NEIL3: variants seen among roughly 807,000 people sequenced by gnomAD.
The protein encoded by NEIL3 is nei like DNA glycosylase 3.
A neutral mutation model predicts 57.5 loss-of-function variants in NEIL3; 48 were observed. The ratio of observed to expected loss-of-function variants is 0.83; its 90% CI spans 0.66 to 1.06. The LOEUF (loss-of-function observed/expected upper bound fraction) is 1.06. Ranked by LOEUF, NEIL3 falls within the 50% of genes least tolerant of loss-of-function variation. The pLI is 0.00. For missense variants in NEIL3, 717 were observed against 739.1 expected (o/e 0.97, Z 0.35); for synonymous variants, 261 against 253.2 (o/e 1.03, Z -0.29).
intron 1 of NEIL3, among the ~76,000 whole-genome samples, chr4:177,320,923 C>T (rs1462798185): frequency 6.6e-6 from 1 of 151,282 alleles, no homozygotes; most frequent in East Asian, 1.9e-4. Flanking sequence ...GCTATTTCAA[C>T]CTTGAATGGG....
downstream of NEIL3, among the ~76,000 whole-genome samples, chr4:177,363,964 G>C (rs1308283198): frequency 1.3e-5 from 2 of 152,072 alleles, no homozygotes; most frequent in Admixed American, 1.3e-4. Context: ...CGCCCAGGCT[G>C]GTTTCTTCTG....
chr4:177,317,037 G>T (rs1734586795), intron 1 of NEIL3, among the ~76,000 whole-genome samples: 1 of 152,168 alleles, frequency 6.6e-6, no homozygotes. Flanking sequence ...TATAGCATCT[G>T]TACCTAGAAG....
chr4:177,321,267 T>G (rs1423766969), intron 1 of NEIL3, among the ~76,000 whole-genome samples: 1 of 152,158 alleles, frequency 6.6e-6, no homozygotes, highest in Non-Finnish European at 1.5e-5. Context: ...TGAGGATCCT[T>G]AGGCCCATTT....
Position 177,309,889 on chromosome 4 carries a change from T to G in NEIL3, c.-65T>G, listed in dbSNP as rs1027073522. 2 of 1,547,472 alleles carry G rather than the reference T, an allele frequency of 1.3e-6. No homozygotes were observed. Among genetic ancestry groups the G allele is most frequent in the Non-Finnish European group, 1.7e-6 (2 of 1,150,792 alleles). The stretch of plus-strand genomic sequence containing the variant: ...GCGTGCGGTCAGTGCCCGCGCAGCG[T>G]TGAGTTGCACAGCGGTATTCTCACC... On this transcript the variant is annotated 5_prime_UTR_variant, in exon 1 of 10. Coordinates refer to ENST00000264596, the MANE Select transcript of NEIL3 (RefSeq NM_018248.3).
At chr4:177,337,261 C>A (rs1454431402) in intron 4 of NEIL3, among the ~76,000 whole-genome samples, 1 of 152,140 alleles carries the variant, frequency 6.6e-6, no homozygotes, top group Non-Finnish European at 1.5e-5. Flanking sequence ...TTTATCAAGA[C>A]CTGTTGCCAC....
At chr4:177,330,238 A>G (rs1465431083) in intron 2 of NEIL3, among the ~76,000 whole-genome samples, 1 of 152,226 alleles carries the variant, frequency 6.6e-6, no homozygotes, top group Admixed American at 6.5e-5. Context: ...TTGGAAATCA[A>G]TGTGCTTCTA....
intron 8 of NEIL3, 128 bp from the exon 9 acceptor site, chr4:177,360,375 T>A (rs1735582639): frequency 1.7e-6 from 1 of 575,760 alleles, no homozygotes; most frequent in Admixed American, 3.1e-5. Flanking sequence ...AATGACCTAA[T>A]GTTAACGAGG....
intron 6 of NEIL3, among the ~76,000 whole-genome samples, chr4:177,344,851 C>T (rs563424129): frequency 3.3e-5 from 5 of 152,170 alleles, no homozygotes; most frequent in Admixed American, 1.3e-4. Flanking sequence ...TGTGAGCCAC[C>T]GTGTCCGGCT....
chr4:177,332,707 T>C (rs1026683149), intron 2 of NEIL3, among the ~76,000 whole-genome samples: 1 of 152,168 alleles, frequency 6.6e-6, no homozygotes, highest in African/African-American at 2.4e-5. Flanking sequence ...GATTCTAAAC[T>C]GTTACACCAG....
intron 1 of NEIL3, among the ~76,000 whole-genome samples, chr4:177,314,920 A>G (rs924259117): frequency 8.8e-6 from 1 of 113,864 alleles, no homozygotes; most frequent in Non-Finnish European, 1.8e-5. Context: ...TACTAAAAAT[A>G]CAAAAAATTA....
At chr4:177,322,374 A>G in intron 1 of NEIL3, 85 bp from the exon 2 acceptor site, 1 of 1,570,382 alleles carries the variant, frequency 6.4e-7, no homozygotes, top group South Asian at 1.1e-5. Context: ...GTGAAGTAAT[A>G]TAAACACATT....
chr4:177,348,928 C>T (rs1320788031), intron 6 of NEIL3, among the ~76,000 whole-genome samples: 3 of 125,412 alleles, frequency 2.4e-5, no homozygotes, highest in Admixed American at 2.1e-4. Flanking sequence ...AGTGCAGTGG[C>T]GTGATCTGGG....
In NEIL3 at chr4:177,325,354, T is replaced by C. The variant is rs929791499; in HGVS notation, c.278+2774T>C. Among the ~76,000 whole-genome samples the C allele has an allele frequency of 3.3e-5, 5 of 152,136 alleles. No individual in the cohort carries two copies. In the East Asian group the frequency reaches 9.6e-4, roughly 29 times the overall value. On this transcript the variant is annotated intron_variant, in intron 2 of 9. Coordinates refer to ENST00000264596, the MANE Select transcript of NEIL3 (RefSeq NM_018248.3). ...ACTCTGTATAATACTTTAAGATTCA[T>C]TCATACTGTTTGAAGTATCAGTGGT...
intron 4 of NEIL3, among the ~76,000 whole-genome samples, chr4:177,339,373 G>A (rs1735041279): frequency 6.6e-6 from 1 of 152,188 alleles, no homozygotes; most frequent in South Asian, 2.1e-4. Flanking sequence ...CGGAAGGATG[G>A]CTGAGCCCAG....
intron 9 of NEIL3, among the ~76,000 whole-genome samples, chr4:177,361,409 C>T (rs1440830920): frequency 2.6e-5 from 4 of 152,266 alleles, no homozygotes; most frequent in South Asian, 4.1e-4. Flanking sequence ...TCAGTGCTGG[C>T]GCAAAGATTT....
intron 1 of NEIL3, among the ~76,000 whole-genome samples, chr4:177,317,202 A>G (rs751149668): frequency 6.6e-6 from 1 of 152,162 alleles, no homozygotes; most frequent in Admixed American, 6.5e-5. Flanking sequence ...CAACATTGGT[A>G]ATTTCAGAGT....
rs1011951619 is a variant in NEIL3 at position 177,360,554 on chromosome 4, C to A, written c.1512C>A (p.Ser504Arg). ...TDGPRTLNPD[S>R]PRCSKHNRLC... is the part of the protein sequence containing the mutation. ...GCCCTCGTACCTTAAATCCTGACAG[C>A]CCTCGCTGCAGTAAACACAACCGCC... Residue 504 changes from serine to arginine, a missense_variant, in exon 9 of 10, where the codon AGC becomes AGA. Coordinates refer to ENST00000264596, the MANE Select transcript of NEIL3 (RefSeq NM_018248.3). 1 of 1,613,990 alleles carries A rather than the reference C, an allele frequency of 6.2e-7. No homozygotes were observed. The highest frequency in any genetic ancestry group is 1.7e-5 in the Admixed American group (1 of 60,002).
rs34037579 is a variant in NEIL3, at chr4:177,324,449, G to A, written c.278+1869G>A. 7.2e-3 allele frequency among the ~76,000 whole-genome samples: 1,088 copies of A among 152,164 alleles called. 13 individuals carry two copies. The highest frequency in any genetic ancestry group is 0.025 in the African/African-American group (1,041 of 41,508). ...TCATTTGTTAATGAAAGTAGAATAC[G>A]AGCATAGCCTCTAAAAGAATCTGCC... On this transcript the variant is annotated intron_variant, in intron 2 of 9. Coordinates refer to ENST00000264596, the MANE Select transcript of NEIL3 (RefSeq NM_018248.3).
chr4:177,312,507 A>G (rs531036712), intron 1 of NEIL3, among the ~76,000 whole-genome samples: 1 of 152,270 alleles, frequency 6.6e-6, no homozygotes, highest in Admixed American at 6.5e-5. Flanking sequence ...TCTTATATCT[A>G]TTCTGATAAT....
Sources: gnomAD v4.1 joint callset for allele counts (sites outside exome capture counted in the v4.1 genomes callset) on GRCh38, gnomAD v4.1.1 for gene constraint, MANE v1.5 for transcripts, NCBI Gene and HGNC (gene_info 2026-07-23, HGNC 2026-07-21) for gene names.